SDK1: variants seen among roughly 807,000 people sequenced by gnomAD.
SDK1 encodes sidekick cell adhesion molecule 1.
Under a neutral mutation model 245.5 loss-of-function variants are expected in SDK1, and 157 were observed. The observed-to-expected ratio is 0.64, with a 90% CI of 0.56 to 0.73. The LOEUF (loss-of-function observed/expected upper bound fraction) is 0.73, where lower values mean the gene tolerates loss of function less well. SDK1 is among the 30% of genes least tolerant of loss of function. SDK1 has a pLI of 0.00. For synonymous variants in SDK1, 1,647 were observed against 1,278.5 expected (o/e 1.29, Z -6.15); for missense variants, 3,583 against 3,002.3 (o/e 1.19, Z -4.52).
At chr7:4,169,334 A>G (rs1781689009) in intron 32 of SDK1, among the ~76,000 whole-genome samples, 1 of 152,142 alleles carries the variant, frequency 6.6e-6, no homozygotes, top group African/African-American at 2.4e-5. Context: ...GGCACTGGGA[A>G]CTGTACCTGT....
intron 5 of SDK1, among the ~76,000 whole-genome samples, chr7:3,883,671 G>A (rs953823636): frequency 6.6e-5 from 10 of 151,240 alleles, no homozygotes; most frequent in Admixed American, 5.9e-4. Flanking sequence ...ACCTAGAGTC[G>A]TCCTCTGGAC....
At chr7:3,379,760 T>C (rs1044769413) in intron 1 of SDK1, among the ~76,000 whole-genome samples, 11 of 151,904 alleles carry the variant, frequency 7.2e-5, no homozygotes, top group African/African-American at 2.2e-4. Flanking sequence ...TACATACATA[T>C]AGGCTGAACA....
intron 35 of SDK1, among the ~76,000 whole-genome samples, chr7:4,190,205 G>C (rs184424261): frequency 1.6e-3 from 237 of 152,292 alleles, no homozygotes; most frequent in African/African-American, 5.3e-3. Flanking sequence ...CGTTCCCAGG[G>C]CTCCCTGGGT....
chr7:3,751,947 G>A (rs775452028), intron 4 of SDK1, among the ~76,000 whole-genome samples: 5 of 152,206 alleles, frequency 3.3e-5, no homozygotes, highest in Non-Finnish European at 7.3e-5. Context: ...GGGAAGAGAC[G>A]AAAGATAGTG....
chr7:3,708,182 T>A (rs564321730), intron 4 of SDK1, among the ~76,000 whole-genome samples: 2 of 152,082 alleles, frequency 1.3e-5, no homozygotes, highest in Non-Finnish European at 2.9e-5. Context: ...TGCCACACAC[T>A]TTAAAATGAC....
intron 7 of SDK1, among the ~76,000 whole-genome samples, chr7:3,957,026 C>T (rs1258307925): frequency 6.6e-6 from 1 of 152,198 alleles, no homozygotes; most frequent in African/African-American, 2.4e-5. Context: ...CATCAAAGCA[C>T]AGGTCATCTT....
chr7:3,537,600 T>C (rs1778924803), intron 1 of SDK1, among the ~76,000 whole-genome samples: 2 of 152,190 alleles, frequency 1.3e-5, no homozygotes, highest in Non-Finnish European at 2.9e-5. Context: ...TAAAAAATAA[T>C]CCAGTTTTTC....
chr7:3,806,421 C>A (rs549903401), intron 4 of SDK1, among the ~76,000 whole-genome samples: 1 of 152,168 alleles, frequency 6.6e-6, no homozygotes, highest in African/African-American at 2.4e-5. Flanking sequence ...CGGCCCACCA[C>A]GAGAAGGCTC....
chr7:3,436,281 C>G (rs1016371534), intron 1 of SDK1, among the ~76,000 whole-genome samples: 1 of 151,466 alleles, frequency 6.6e-6, no homozygotes, highest in Non-Finnish European at 1.5e-5. Context: ...TAGGATTTCT[C>G]GGTAAATTAA....
intron 44 of SDK1, among the ~76,000 whole-genome samples, chr7:4,253,583 C>T (rs1787446235): frequency 6.6e-6 from 1 of 152,070 alleles, no homozygotes; most frequent in East Asian, 1.9e-4. Context: ...GTTTCCTATC[C>T]ACTTGAGAAG....
chr7:3,415,630 C>CCATGA (rs1011671467), intron 1 of SDK1, among the ~76,000 whole-genome samples: 2 of 151,636 alleles, frequency 1.3e-5, no homozygotes, highest in African/African-American at 4.8e-5. Flanking sequence ...ACCCACAAGT[C>CCATGA]CATGATAGTA....
At chr7:3,382,828 T>A (rs1781520230) in intron 1 of SDK1, among the ~76,000 whole-genome samples, 1 of 152,190 alleles carries the variant, frequency 6.6e-6, no homozygotes, top group Admixed American at 6.5e-5. Flanking sequence ...TGAGTGGTAG[T>A]CCCCCAAGAG....
At chr7:4,043,347 C>T (rs1174890850) in intron 17 of SDK1, among the ~76,000 whole-genome samples, 4 of 146,966 alleles carry the variant, frequency 2.7e-5, no homozygotes, top group African/African-American at 7.6e-5. Context: ...GAGTGAGTGT[C>T]ACAGCCAGGG....
rs543140359 is a variant in SDK1, at chr7:4,000,370, C to T, written c.2132-10596C>T. Among the ~76,000 whole-genome samples, 24 of 152,304 alleles carry T rather than the reference C, an allele frequency of 1.6e-4. No individual in the cohort carries two copies. In the East Asian group the frequency reaches 2.3e-3, roughly 15 times the overall value. ...CTCTCCGCCTCTGCTTTCTGAAGCA[C>T]GGCTTGGTTTTGTCAGCTGCTGGGC... On this transcript the variant is annotated intron_variant, in intron 14 of 44. Transcript: ENST00000404826.
intron 19 of SDK1, among the ~76,000 whole-genome samples, chr7:4,059,403 T>C (rs1345664175): frequency 6.6e-6 from 1 of 152,208 alleles, no homozygotes; most frequent in African/African-American, 2.4e-5. Context: ...ATAACAATTC[T>C]AAACATATAT....
At chr7:4,129,710 G>A (rs1345776114) in intron 26 of SDK1, 198 bp from the exon 27 acceptor site, 2 of 1,417,430 alleles carry the variant, frequency 1.4e-6, no homozygotes, top group East Asian at 5.2e-5. Context: ...CTCCCCTGGA[G>A]CGCAGTCACT....
intron 4 of SDK1, among the ~76,000 whole-genome samples, chr7:3,749,675 A>G (rs1779723239): frequency 3.9e-5 from 6 of 152,220 alleles, no homozygotes; most frequent in Admixed American, 3.9e-4. Context: ...GCTGCCCTTC[A>G]GCCTCTTGCC....
At chr7:3,346,890 C>T (rs1408262547) in intron 1 of SDK1, among the ~76,000 whole-genome samples, 52 of 123,804 alleles carry the variant, frequency 4.2e-4, no homozygotes, top group African/African-American at 1.5e-3. Context: ...AGGCTGGTCT[C>T]GAACTCCTGG....
At chr7:3,641,304 T>C (rs1387796564) in intron 3 of SDK1, among the ~76,000 whole-genome samples, 1 of 152,220 alleles carries the variant, frequency 6.6e-6, no homozygotes, top group African/African-American at 2.4e-5. Context: ...AATTTTAAAA[T>C]TAGCCTTTTA....
Sources: allele counts gnomAD v4.1 joint callset (sites outside exome capture counted in the v4.1 genomes callset), GRCh38; gene constraint gnomAD v4.1.1; transcripts MANE v1.5; gene names NCBI Gene and HGNC (gene_info 2026-07-23, HGNC 2026-07-21).